Variants in LAMA2 observed in about 807,000 individuals in gnomAD.
LAMA2 encodes the protein laminin subunit alpha-2.
A neutral mutation model predicts 364.8 loss-of-function variants in LAMA2; 269 were observed. That is an observed-to-expected ratio of 0.74 (90% CI 0.67 to 0.82). LAMA2 has a LOEUF of 0.82. LAMA2 is among the 40% of genes least tolerant of loss of function. LAMA2 has a pLI of 0.00. For synonymous variants in LAMA2, 1,379 were observed against 1,370.6 expected (o/e 1.01, Z -0.14); for missense variants, 3,807 against 3,873.2 (o/e 0.98, Z 0.45).
intron 1 of LAMA2, among the ~76,000 whole-genome samples, chr6:129,026,153 A>G (rs1785797265): frequency 6.6e-6 from 1 of 152,188 alleles, no homozygotes. Flanking sequence ...GTGATATGGA[A>G]TAGAATGAGA....
rs559866158 is a variant in LAMA2, at chr6:129,150,655, CT to C, written c.1027+1566del. ...TTTAAAATAGTGGAATTGTGAAACA[CT>C]TTTTTTCTTTCCCTGTAGGGAAGAG... On this transcript the variant is annotated intron_variant, in intron 7 of 64. Coordinates refer to ENST00000421865, the MANE Select transcript of LAMA2 (RefSeq NM_000426.4). 4.6e-4 allele frequency among the ~76,000 whole-genome samples: 70 copies of C among 152,300 alleles called. 1 individual carries two copies. The South Asian group carries it at 0.013, about 27-fold the overall frequency.
rs58772123 is a variant in LAMA2 at position 128,961,318 on chromosome 6, GATATATATATATATATATATATATATAT to G, written c.112+77984_112+78011del. ...TTCTGTAGAGGGACAGAACTAATAT[GATATATATATATATATATATATATATAT>G]ATATATATATATATATATATATTAG... is the stretch of plus-strand genomic sequence containing the variant. On this transcript the variant is annotated intron_variant, in intron 1 of 64. Coordinates refer to ENST00000421865, the MANE Select transcript of LAMA2 (RefSeq NM_000426.4). Among the ~76,000 whole-genome samples the G allele has an allele frequency of 1.3e-3, 75 of 57,808 alleles. 2 individuals carry two copies. Among genetic ancestry groups the G allele is most frequent in the East Asian group, 2.3e-3 (4 of 1,764 alleles). The allele number at this position is 57,808 out of a possible 152,430, so 37.9% of individuals were successfully genotyped here.
At chr6:129,383,517 G>A (rs1044797642) in intron 35 of LAMA2, among the ~76,000 whole-genome samples, 15 of 152,214 alleles carry the variant, frequency 9.9e-5, no homozygotes, top group African/African-American at 3.4e-4. Context: ...GGCAACTTTT[G>A]TTTTGTTATT....
At chr6:129,507,790 A>G in intron 62 of LAMA2, 148 bp downstream of exon 62, 1 of 784,044 alleles carries the variant, frequency 1.3e-6, no homozygotes, top group Admixed American at 2.2e-5. Flanking sequence ...AATTTCAAAA[A>G]TGCCTCTTAA....
intron 4 of LAMA2, among the ~76,000 whole-genome samples, chr6:129,121,620 C>G (rs1330801528): frequency 6.6e-6 from 1 of 152,056 alleles, no homozygotes; most frequent in African/African-American, 2.4e-5. Context: ...TACCTCAAAT[C>G]TGGAAATTGT....
chr6:129,048,672 T>C (rs1208329964), intron 1 of LAMA2, among the ~76,000 whole-genome samples: 1 of 150,708 alleles, frequency 6.6e-6, no homozygotes, highest in African/African-American at 2.5e-5. Flanking sequence ...TGGAGTGCAG[T>C]GATGTGATCT....
At chr6:128,900,951 A>G (rs1194442429) in intron 1 of LAMA2, among the ~76,000 whole-genome samples, 1 of 152,228 alleles carries the variant, frequency 6.6e-6, no homozygotes, top group Non-Finnish European at 1.5e-5. Context: ...CAGGAGTTCA[A>G]GACCAGCTTA....
At chr6:128,958,901 T>C (rs1781310182) in intron 1 of LAMA2, among the ~76,000 whole-genome samples, 1 of 152,160 alleles carries the variant, frequency 6.6e-6, no homozygotes, top group Non-Finnish European at 1.5e-5. Flanking sequence ...AATTTAAACA[T>C]TTTAGACATT....
chr6:129,339,420 G>C (rs371098409), intron 29 of LAMA2, among the ~76,000 whole-genome samples: 2 of 152,144 alleles, frequency 1.3e-5, no homozygotes, highest in South Asian at 2.1e-4. Context: ...AATTTAAGAC[G>C]CTTCTGTGTT....
At chr6:129,403,708 T>C (rs952639989) in intron 39 of LAMA2, 113 bp from the exon 40 acceptor site, 29 of 947,046 alleles carry the variant, frequency 3.1e-5, no homozygotes, top group African/African-American at 1.6e-5. Flanking sequence ...TTTGGAATTG[T>C]CATAGATATA....
At chr6:129,431,016 C>A (rs889455414) in intron 41 of LAMA2, among the ~76,000 whole-genome samples, 1 of 152,094 alleles carries the variant, frequency 6.6e-6, no homozygotes, top group Non-Finnish European at 1.5e-5. Flanking sequence ...TATTGACTAA[C>A]TTTTCAGTTT....
chr6:129,369,425 C>T (rs577702909), intron 33 of LAMA2, among the ~76,000 whole-genome samples: 1 of 152,254 alleles, frequency 6.6e-6, no homozygotes, highest in South Asian at 2.1e-4. Flanking sequence ...AGCGCCTAGC[C>T]AGGTCTCTAT....
intron 1 of LAMA2, among the ~76,000 whole-genome samples, chr6:129,027,523 A>G (rs1785909943): frequency 6.6e-6 from 1 of 151,984 alleles, no homozygotes; most frequent in South Asian, 2.1e-4. Flanking sequence ...AGTATACAAC[A>G]TTATTTCTAA....
At chr6:128,963,537 TG>T (rs1253036707) in intron 1 of LAMA2, among the ~76,000 whole-genome samples, 1 of 152,156 alleles carries the variant, frequency 6.6e-6, no homozygotes, top group African/African-American at 2.4e-5. Flanking sequence ...AGTTGTTTAC[TG>T]TTGTAAAATC....
intron 1 of LAMA2, among the ~76,000 whole-genome samples, chr6:128,951,091 A>G (rs1582753005): frequency 6.6e-6 from 1 of 152,094 alleles, no homozygotes; most frequent in East Asian, 1.9e-4. Flanking sequence ...CAATAATGTG[A>G]TTGTATTTGT....
chr6:129,456,276 T>C, intron 47 of LAMA2, 59 bp from the exon 48 acceptor site: 1 of 1,440,280 alleles, frequency 6.9e-7, no homozygotes, highest in East Asian at 2.3e-5. Context: ...ACCAGAAATG[T>C]GATGCATATT....
intron 37 of LAMA2, among the ~76,000 whole-genome samples, chr6:129,394,122 A>G (rs909018560): frequency 3.3e-5 from 5 of 152,218 alleles, no homozygotes; most frequent in African/African-American, 1.2e-4. Flanking sequence ...AACTCAGCAC[A>G]TATAACAGCA....
At chr6:128,932,988 C>T (rs913889503) in intron 1 of LAMA2, among the ~76,000 whole-genome samples, 1 of 152,054 alleles carries the variant, frequency 6.6e-6, no homozygotes, top group Non-Finnish European at 1.5e-5. Flanking sequence ...TGACCCAAAC[C>T]TCTCATTTAC....
rs1583473913 is a variant in LAMA2 at position 129,314,657 on chromosome 6, G to A, written c.3414G>A (p.Val1138=). Reference sequence around the variant, plus strand: ...GAGGGTCTCTTGTCTTTCCTCAGGTGAATGTGGAAGGCATCCACTGTGACA... The same window carrying A: ...GAGGGTCTCTTGTCTTTCCTCAGGTAAATGTGGAAGGCATCCACTGTGACA... ...SDQTGQCTCK[V]NVEGIHCDRC... The change falls in exon 24 of 65, where the codon GTG becomes GTA. Residue 1138 remains valine (V), a splice_region_variant and synonymous_variant. Coordinates refer to ENST00000421865, the MANE Select transcript of LAMA2 (RefSeq NM_000426.4). 1.2e-6 allele frequency: 2 copies of A among 1,613,410 alleles called. No individual in the cohort carries two copies. The highest frequency in any genetic ancestry group is 3.3e-5 in the Admixed American group (2 of 60,012).
Sources: gnomAD v4.1 joint callset for allele counts (sites outside exome capture counted in the v4.1 genomes callset) on GRCh38, gnomAD v4.1.1 for gene constraint, MANE v1.5 for transcripts, NCBI Gene and HGNC (gene_info 2026-07-23, HGNC 2026-07-21) for gene names.